The following DENND2B variants were observed in gnomAD, a reference collection of about 807,000 sequenced individuals.
DENND2B encodes DENN domain-containing protein 2B.
A neutral mutation model predicts 116.0 loss-of-function variants in DENND2B; 32 were observed. That is an observed-to-expected ratio of 0.28 (90% CI 0.21 to 0.37). DENND2B has a LOEUF of 0.37. DENND2B is among the 10% of genes least tolerant of loss of function. The pLI, the probability that DENND2B is intolerant of heterozygous loss-of-function variation, is 1.00. For missense variants in DENND2B, 1,276 were observed against 1,477.7 expected, an observed-to-expected ratio of 0.86 and a Z score of 2.24; for synonymous variants, 588 against 583.9, an observed-to-expected ratio of 1.01 and a Z score of -0.10.
chr11:8,903,494 C>T (rs1317035468), intron 1 of DENND2B, among the ~76,000 whole-genome samples: 2 of 129,812 alleles, frequency 1.5e-5, no homozygotes, highest in South Asian at 2.4e-4. Flanking sequence ...AAAAAAAAAG[C>T]AAGAGAGAGA....
chr11:8,900,242 G>A (rs1230107390), intron 1 of DENND2B, among the ~76,000 whole-genome samples: 2 of 151,246 alleles, frequency 1.3e-5, no homozygotes, highest in Non-Finnish European at 2.9e-5. Flanking sequence ...TGGCTAACAC[G>A]GTGAAACCCC....
intron 2 of DENND2B, among the ~76,000 whole-genome samples, chr11:8,867,573 C>CCT (rs533466884): frequency 1.1e-5 from 1 of 89,230 alleles, no homozygotes; most frequent in Admixed American, 1.8e-4. Flanking sequence ...TAAAATTCAG[C>CCT]TTTTTTTTTT....
intron 2 of DENND2B, among the ~76,000 whole-genome samples, chr11:8,858,647 A>G (rs971585105): frequency 2.0e-5 from 3 of 152,178 alleles, no homozygotes; most frequent in African/African-American, 7.2e-5. Context: ...ATTCCATATG[A>G]GGGTAAAAAA....
chr11:8,899,375 C>CA (rs1315450071), intron 1 of DENND2B, among the ~76,000 whole-genome samples: 3 of 152,052 alleles, frequency 2.0e-5, no homozygotes, highest in Admixed American at 1.3e-4. Context: ...ACCATAAACA[C>CA]AAAGAGGTCC....
chr11:8,769,806 A>G (rs2134171165), intron 1 of DENND2B, among the ~76,000 whole-genome samples: 1 of 152,112 alleles, frequency 6.6e-6, no homozygotes, highest in East Asian at 1.9e-4. Flanking sequence ...GTCCCTTATG[A>G]CATTTCACAT....
At chr11:8,799,028 G>T (rs2060077366) in intron 1 of DENND2B, among the ~76,000 whole-genome samples, 2 of 152,028 alleles carry the variant, frequency 1.3e-5, no homozygotes, top group South Asian at 2.1e-4. Flanking sequence ...CACCATGTTG[G>T]CCAGGCTGGT....
chr11:8,899,321 A>G (rs2064137701), intron 1 of DENND2B, among the ~76,000 whole-genome samples: 1 of 151,738 alleles, frequency 6.6e-6, no homozygotes, highest in African/African-American at 2.4e-5. Flanking sequence ...AAATTTGAGG[A>G]AAAACAAATC....
In DENND2B at chr11:8,731,174, G is replaced by A; in HGVS notation, c.116C>T (p.Pro39Leu). Reference sequence around the variant, plus strand: ...GAGCGGGTAGATGGGACTCCTTGGTGGGGAGAGAACTGGAGGTGGAGAGAC... The same window carrying A: ...GAGCGGGTAGATGGGACTCCTTGGTAGGGAGAGAACTGGAGGTGGAGAGAC... ...QSVSPPPVLS[P>L]PRSPIYPLSD... is the part of the protein sequence containing the mutation. Residue 39 changes from proline (P) to leucine (L), a missense_variant, in exon 3 of 20, where the codon CCA (proline) becomes CTA (leucine). Physicochemically the swap from Pro to Leu is moderately conservative, Grantham distance 98. Coordinates refer to ENST00000313726, the MANE Select transcript of DENND2B (RefSeq NM_213618.2). The A allele has an allele frequency of 9.1e-6, 14 of 1,536,166 alleles. No homozygotes were observed. The highest frequency in any genetic ancestry group is 1.2e-5 in the Non-Finnish European group (14 of 1,141,892).
rs565867169 is a variant in DENND2B at position 8,736,411 on chromosome 11, T to C, written c.81-5202A>G. ...GAGACTAAAAACAGACAAAGTCTCT[T>C]TTTCTATAGGTTACATTCTGGTAGA... is the stretch of plus-strand genomic sequence containing the variant. On this transcript the variant is annotated intron_variant, in intron 2 of 19. Coordinates refer to ENST00000313726, the MANE Select transcript of DENND2B (RefSeq NM_213618.2). Among the ~76,000 whole-genome samples, 13 of 152,216 alleles carry C rather than the reference T, an allele frequency of 8.5e-5. No individual in the cohort carries two copies. In the South Asian group the frequency reaches 2.7e-3, roughly 32 times the overall value.
At chr11:8,783,109 C>G (rs1374792115) in intron 1 of DENND2B, among the ~76,000 whole-genome samples, 1 of 142,612 alleles carries the variant, frequency 7.0e-6, no homozygotes, top group Non-Finnish European at 1.5e-5. Context: ...GATTGGAGTG[C>G]AGTGGCACAA....
intron 4 of DENND2B, among the ~76,000 whole-genome samples, chr11:8,824,953 C>T (rs1005770449): frequency 1.3e-5 from 2 of 151,660 alleles, no homozygotes; most frequent in Non-Finnish European, 2.9e-5. Context: ...CCTGCCTCGG[C>T]CTCCTGAAGT....
At chr11:8,718,048 G>C (rs2045287588) in intron 4 of DENND2B, 156 bp from the exon 5 acceptor site, 1 of 708,104 alleles carries the variant, frequency 1.4e-6, no homozygotes, top group African/African-American at 1.8e-5. Flanking sequence ...CCCGTCTGCA[G>C]TGGGGAGGCT....
chr11:8,730,425 C>A lies in DENND2B; in HGVS notation c.865G>T (p.Glu289Ter). The A allele has an allele frequency of 6.2e-7, 1 of 1,608,982 alleles. No individual in the cohort carries two copies. Among genetic ancestry groups the A allele is most frequent in the South Asian group, 1.1e-5 (1 of 91,088 alleles). Residue 289 changes from glutamate to a stop codon, truncating the protein, a stop_gained, in exon 3 of 20, where the codon GAA becomes TAA. Transcript: ENST00000313726. LOFTEE classifies it high-confidence loss of function. This position sits in a 1 kb window ranked among gnomAD's most constrained non-coding sequence, Gnocchi z 4.1. ...CCCGGCTGCTCCTTCAGGACCTGTT[C>A]AATTTTCTGGATCCGGCTCAGCACT... is the stretch of plus-strand genomic sequence containing the variant. The part of the protein sequence containing the change: ...SAVLSRIQKI[E>*]QVLKEQPGRG...
intron 1 of DENND2B, among the ~76,000 whole-genome samples, chr11:8,890,683 T>C (rs1193013490): frequency 2.0e-5 from 3 of 151,616 alleles, no homozygotes; most frequent in African/African-American, 7.3e-5. Flanking sequence ...AGAAGAGAAG[T>C]TTAGAGAAAA....
chr11:8,794,157 A>G (rs4579928), intron 1 of DENND2B, among the ~76,000 whole-genome samples: 71,572 of 152,066 alleles, frequency 0.47, 17,055 homozygotes, highest in Non-Finnish European at 0.47. Flanking sequence ...GTCTTAAACA[A>G]AAGTTAGCCA....
chr11:8,888,799 A>G (rs1331058492), intron 1 of DENND2B, among the ~76,000 whole-genome samples: 1 of 152,238 alleles, frequency 6.6e-6, no homozygotes, highest in African/African-American at 2.4e-5. Flanking sequence ...AAAAACAGCC[A>G]ATAACAATAT....
chr11:8,713,404 G>C (rs926090499), intron 8 of DENND2B, among the ~76,000 whole-genome samples: 9 of 151,812 alleles, frequency 5.9e-5, no homozygotes, highest in African/African-American at 2.2e-4. Context: ...TTTTGAGACA[G>C]AGTCTTGCTC....
rs2040406186 is a variant in DENND2B, at chr11:8,696,665, T to G, written c.3054A>C (p.Glu1018Asp). Residue 1018 changes from glutamate to aspartate, a missense_variant and splice_region_variant, in exon 18 of 20, where the codon GAA becomes GAC. Physicochemically the swap from Glu to Asp is conservative, Grantham distance 45 (BLOSUM62 2). This residue lies in a region of DENND2B where 420 missense variants were observed against 631.1 expected (regional missense o/e 0.67). Transcript: ENST00000313726. ...ACACCAGCCCATTGAGGGTATTACA[T>G]TCTGGAAGGGAAAAGACAATCTTTG... ...SQDSDSDSDD[E>D]CNTLNGLVSE... The G allele has an allele frequency of 6.2e-7, 1 of 1,613,670 alleles. No homozygotes were observed. The highest frequency in any genetic ancestry group is 1.3e-5 in the African/African-American group (1 of 75,008).
chr11:8,825,839 A>C (rs2061957681), intron 4 of DENND2B, among the ~76,000 whole-genome samples: 1 of 152,178 alleles, frequency 6.6e-6, no homozygotes, highest in Non-Finnish European at 1.5e-5. Context: ...TGATGAGCAA[A>C]TGTGATTTTG....
Sources: gnomAD v4.1 joint callset for allele counts (sites outside exome capture counted in the v4.1 genomes callset) on GRCh38, gnomAD v4.1.1 for gene constraint, gnomAD v4.1.1 regional missense constraint, Gnocchi (gnomAD v3.1) non-coding constraint, MANE v1.5 for transcripts, NCBI Gene and HGNC (gene_info 2026-07-23, HGNC 2026-07-21) for gene names.